Variants in MMP16 observed in about 807,000 individuals in gnomAD.
The protein encoded by MMP16 is matrix metalloproteinase-16.
Under a neutral mutation model 67.8 loss-of-function variants are expected in MMP16, and 12 were observed. That is an observed-to-expected ratio of 0.18 (90% confidence interval 0.11 to 0.29). MMP16 has a LOEUF of 0.29. Among genes scored for constraint, MMP16 ranks in the 10% least tolerant of loss-of-function variants. The probability of loss-of-function intolerance (pLI) is 1.00; values close to 1 mark genes in which losing one functional copy is unlikely to be tolerated. For synonymous variants in MMP16, 249 were observed against 255.9 expected (o/e 0.97, Z 0.26); for missense variants, 475 against 765.7 (o/e 0.62, Z 4.48).
At chr8:88,156,515 ATGT>A (rs1808511109) in intron 4 of MMP16, among the ~76,000 whole-genome samples, 3 of 152,120 alleles carry the variant, frequency 2.0e-5, no homozygotes, top group South Asian at 2.1e-4. Flanking sequence ...TATAAATTAA[ATGT>A]TGTTGTTAAT....
At chr8:88,047,834 TAA>T (rs1808218501) in intron 8 of MMP16, among the ~76,000 whole-genome samples, 1 of 152,138 alleles carries the variant, frequency 6.6e-6, no homozygotes, top group South Asian at 2.1e-4. Flanking sequence ...CTGCTATGAG[TAA>T]AAGAGTTTGA....
rs370420599 is a variant in MMP16, at chr8:88,196,092, C to A, written c.281+1066G>T. 5.1e-4 allele frequency among the ~76,000 whole-genome samples: 77 copies of A among 152,248 alleles called. No individual in the cohort carries two copies. The East Asian group carries it at 8.1e-3, about 16-fold the overall frequency. ...AAGGTATATAGCAGGGCAAGTTCCCCAGATCAAATGTCAAAAGACGGATTC... is the reference window on the plus strand; with the variant it reads ...AAGGTATATAGCAGGGCAAGTTCCCAAGATCAAATGTCAAAAGACGGATTC... On this transcript the variant is annotated intron_variant, in intron 2 of 9. Transcript: ENST00000286614.
At chr8:88,183,160 A>C (rs1482404129) in intron 3 of MMP16, among the ~76,000 whole-genome samples, 1 of 152,220 alleles carries the variant, frequency 6.6e-6, no homozygotes, top group Non-Finnish European at 1.5e-5. Flanking sequence ...ACACTTATCA[A>C]AATCTATAGA....
chr8:88,208,778 C>T (rs747322614), intron 1 of MMP16, among the ~76,000 whole-genome samples: 27 of 136,822 alleles, frequency 2.0e-4, no homozygotes, highest in Non-Finnish European at 3.8e-4. Context: ...ATTTATGATG[C>T]AGCCAATCAA....
At chr8:88,154,849 C>T (rs1389067599) in intron 4 of MMP16, among the ~76,000 whole-genome samples, 2 of 143,430 alleles carry the variant, frequency 1.4e-5, no homozygotes, top group Admixed American at 7.1e-5. Context: ...CACATGTACC[C>T]TAAAACTTAA....
At position 88,200,924 on chromosome 8, in the gene MMP16, C is replaced by A. The variant is rs1451213592; in HGVS notation, c.133-3618G>T. Among the ~76,000 whole-genome samples, 7 of 151,914 alleles carry A rather than the reference C, an allele frequency of 4.6e-5. No individual in the cohort carries two copies. In the East Asian group the frequency reaches 9.7e-4, roughly 21 times the overall value. Reference sequence around the variant, plus strand: ...AAATATGTATCCTTATTTATTCCTTCAGGCCAATACTACAACCTAGAGAAA... The same window carrying A: ...AAATATGTATCCTTATTTATTCCTTAAGGCCAATACTACAACCTAGAGAAA... On this transcript the variant is annotated intron_variant, in intron 1 of 9. Transcript: ENST00000286614.
At chr8:88,161,045 G>A (rs1808612022) in intron 4 of MMP16, among the ~76,000 whole-genome samples, 2 of 152,052 alleles carry the variant, frequency 1.3e-5, no homozygotes, top group South Asian at 4.1e-4. Context: ...TTGGTATCAG[G>A]ATGATGCTGG....
chr8:88,098,086 T>G (rs569192634), intron 6 of MMP16, among the ~76,000 whole-genome samples: 1 of 151,956 alleles, frequency 6.6e-6, no homozygotes, highest in South Asian at 2.1e-4. Context: ...GATAATTTCC[T>G]GGAATGACCC....
intron 6 of MMP16, among the ~76,000 whole-genome samples, chr8:88,078,768 T>G (rs2118299575): frequency 6.6e-6 from 1 of 152,320 alleles, no homozygotes; most frequent in African/African-American, 2.4e-5. Flanking sequence ...ACAGATTCAT[T>G]TATTCATACC....
chr8:88,247,253 C>A (rs1810127707), intron 1 of MMP16, among the ~76,000 whole-genome samples: 1 of 151,982 alleles, frequency 6.6e-6, no homozygotes, highest in African/African-American at 2.4e-5. Flanking sequence ...AAAAGATTGC[C>A]AACAAAAGTC....
rs1808114162 is a variant in MMP16, at chr8:88,040,297, T to C, written c.*1164A>G. 1 of 152,640 alleles carries C rather than the reference T, an allele frequency of 6.6e-6. No homozygotes were observed. The highest frequency in any genetic ancestry group is 2.4e-5 in the African/African-American group (1 of 41,450). 9.5% of individuals were successfully genotyped at this position (152,640 alleles called of 1,614,324 possible). A position where few individuals can be genotyped will look rare whatever the true frequency, so the allele number is the denominator to read the frequency against. ...CACATTTATGTAGTCTTGTAAATCA[T>C]TTAAAAATTATATGACATTATAGGA... On this transcript the variant is annotated 3_prime_UTR_variant, in exon 10 of 10. Coordinates refer to ENST00000286614, the MANE Select transcript of MMP16 (RefSeq NM_005941.5).
At chr8:88,083,479 T>C (rs1204559933) in intron 6 of MMP16, among the ~76,000 whole-genome samples, 2 of 151,972 alleles carry the variant, frequency 1.3e-5, no homozygotes, top group South Asian at 2.1e-4. Flanking sequence ...AAGCAAAGGG[T>C]AAATTTGGGA....
At chr8:88,169,217 T>C (rs932463909) in intron 3 of MMP16, among the ~76,000 whole-genome samples, 1 of 152,186 alleles carries the variant, frequency 6.6e-6, no homozygotes, top group East Asian at 1.9e-4. Flanking sequence ...GAAAAACTTG[T>C]AGGATTAACT....
intron 4 of MMP16, among the ~76,000 whole-genome samples, chr8:88,155,674 T>C (rs1018754665): frequency 6.6e-6 from 1 of 152,156 alleles, no homozygotes; most frequent in African/African-American, 2.4e-5. Context: ...ATTTTATCTC[T>C]TCATACTTTC....
At chr8:88,219,811 G>A (rs1247716086) in intron 1 of MMP16, among the ~76,000 whole-genome samples, 1 of 151,988 alleles carries the variant, frequency 6.6e-6, no homozygotes, top group Non-Finnish European at 1.5e-5. Flanking sequence ...TGCCATTTTC[G>A]TGTATTGAAT....
At chr8:88,223,728 T>C (rs932768334) in intron 1 of MMP16, among the ~76,000 whole-genome samples, 22 of 147,094 alleles carry the variant, frequency 1.5e-4, no homozygotes, top group African/African-American at 5.5e-4. Flanking sequence ...CATTAGGAGA[T>C]ATACCTAATG....
chr8:88,095,292 A>AT (rs950895133), intron 6 of MMP16, among the ~76,000 whole-genome samples: 11 of 149,722 alleles, frequency 7.3e-5, no homozygotes, highest in Admixed American at 1.3e-4. Context: ...TTGTTCTTTA[A>AT]TTTTTTTTTT....
At chr8:88,186,762 C>T (rs574276108) in intron 2 of MMP16, among the ~76,000 whole-genome samples, 164 bp from the exon 3 acceptor site, 1 of 152,092 alleles carries the variant, frequency 6.6e-6, no homozygotes, top group Non-Finnish European at 1.5e-5. Flanking sequence ...TTTTCTTGCA[C>T]TTTGAATCTA....
At chr8:88,268,494 T>A (rs1810514382) in intron 1 of MMP16, among the ~76,000 whole-genome samples, 1 of 152,180 alleles carries the variant, frequency 6.6e-6, no homozygotes, top group African/African-American at 2.4e-5. Context: ...TTTCCATACT[T>A]TTTTCCCAGA....
Sources: gnomAD v4.1 joint callset for allele counts (sites outside exome capture counted in the v4.1 genomes callset) on GRCh38, gnomAD v4.1.1 for gene constraint, MANE v1.5 for transcripts, NCBI Gene and HGNC (gene_info 2026-07-23, HGNC 2026-07-21) for gene names.